SMCR8: variants seen among roughly 807,000 people sequenced by gnomAD.
SMCR8 encodes the protein guanine nucleotide exchange protein SMCR8.
A neutral mutation model predicts 56.6 loss-of-function variants in SMCR8; 30 were observed. That is an observed-to-expected ratio of 0.53 (90% confidence interval 0.40 to 0.72). The LOEUF is 0.72. Among genes scored for constraint, SMCR8 ranks in the 30% least tolerant of loss-of-function variants. SMCR8 has a pLI of 0.00. For synonymous variants in SMCR8, 538 were observed against 456.0 expected (o/e 1.18, Z -2.29); for missense variants, 1,198 against 1,157.0 (o/e 1.04, Z -0.51).
Position 18,315,723 on chromosome 17 carries a change from C to T in SMCR8, c.-67C>T. The T allele has an allele frequency of 6.9e-6, 10 of 1,449,694 alleles. No homozygotes were observed. The highest frequency in any genetic ancestry group is 9.3e-6 in the Non-Finnish European group (10 of 1,074,460). The allele number at this position is 1,449,694 out of a possible 1,614,324, so 89.8% of individuals were successfully genotyped here. A position where few individuals can be genotyped will look rare whatever the true frequency, so the allele number is the denominator to read the frequency against. On this transcript the variant is annotated 5_prime_UTR_variant, in exon 1 of 2. Coordinates refer to ENST00000406438, the MANE Select transcript of SMCR8 (RefSeq NM_144775.3). ...ACTTCCTTCTCCGGAGGCCTGCCTT[C>T]TGCGCGTCGATTAACACCGCATTCT...
At chr17:18,318,593 A>G (rs1477559320) in intron 1 of SMCR8, among the ~76,000 whole-genome samples, 3 of 152,168 alleles carry the variant, frequency 2.0e-5, no homozygotes, top group African/African-American at 7.2e-5. Flanking sequence ...TAGTAGAGAC[A>G]GGGTTTCACC....
rs1314774497 is a variant in SMCR8 at position 18,317,966 on chromosome 17, C to G, written c.2177C>G (p.Ser726Cys). The change falls in exon 1 of 2, where the codon TCC becomes TGC. Residue 726 changes from serine (S) to cysteine (C), a missense_variant. Physicochemically the swap from Ser to Cys is moderately radical, Grantham distance 112. Transcript: ENST00000406438. ...QYPFAHPAIY[S>C]LLSGRTLVVL... ...CCCTTTGCCCACCCAGCCATCTACTCCCTGCTCAGTGGGAGGACACTTGTG... is the reference window on the plus strand; with the variant it reads ...CCCTTTGCCCACCCAGCCATCTACTGCCTGCTCAGTGGGAGGACACTTGTG... 2 of 1,614,238 alleles carry G rather than the reference C, an allele frequency of 1.2e-6. No homozygotes were observed. Among genetic ancestry groups the G allele is most frequent in the Admixed American group, 3.3e-5 (2 of 60,034 alleles).
Position 18,323,047 on chromosome 17 carries a change from C to G in SMCR8, c.2791C>G (p.Pro931Ala). 1 of 1,613,462 alleles carries G rather than the reference C, an allele frequency of 6.2e-7. No individual in the cohort carries two copies. The highest frequency in any genetic ancestry group is 8.5e-7 in the Non-Finnish European group (1 of 1,179,584). ...SHPMLRFDYV[P>A]SFLYKI ...CCCCATGCTCAGGTTTGACTATGTC[C>G]CCAGCTTTTTGTATAAAATCTGAGG... Residue 931 changes from proline (P) to alanine (A), a missense_variant, in exon 2 of 2, where the codon CCC (proline) becomes GCC (alanine). Coordinates refer to ENST00000406438, the MANE Select transcript of SMCR8 (RefSeq NM_144775.3).
rs1982557148 is a variant in SMCR8, at chr17:18,323,230, G to T, written c.*160G>T. The T allele has an allele frequency of 9.3e-6, 6 of 646,704 alleles. No homozygotes were observed. The highest frequency in any genetic ancestry group is 8.8e-5 in the Admixed American group (3 of 34,082). The allele number at this position is 646,704 out of a possible 1,614,324, so 40.1% of individuals were successfully genotyped here. The stretch of plus-strand genomic sequence containing the variant: ...CTAGTAGTTTTTAAGTTGGACATGG[G>T]CAGAAGTGGAGCCTGGCTCCCTCTA... On this transcript the variant is annotated 3_prime_UTR_variant, in exon 2 of 2. Transcript: ENST00000406438.
In SMCR8 at chr17:18,317,027, TTAG is replaced by T; in HGVS notation, c.1240_1242del (p.Ser414del). The T allele has an allele frequency of 6.2e-7, 1 of 1,614,094 alleles. No homozygotes were observed. The highest frequency in any genetic ancestry group is 8.5e-7 in the Non-Finnish European group (1 of 1,180,008). On this transcript the variant is annotated inframe_deletion, in exon 1 of 2. Coordinates refer to ENST00000406438, the MANE Select transcript of SMCR8 (RefSeq NM_144775.3). ...GAATGCCCAATTCCTAAAGTGTTAA[TTAG>T]TGTTGGTTCTTACAAGTCCAGTGTG...
intron 1 of SMCR8, 31 bp from the exon 2 acceptor site, chr17:18,322,586 C>T (rs760521456): frequency 6.3e-7 from 1 of 1,599,016 alleles, no homozygotes; most frequent in South Asian, 1.1e-5. Flanking sequence ...GGCCCTTGCC[C>T]TTCCTCCTGA....
rs1355449484 is a variant in SMCR8, at chr17:18,326,968, G to A, written c.*3898G>A. 6.6e-6 allele frequency: 1 copy of A among 152,640 alleles called. No homozygotes were observed. The highest frequency in any genetic ancestry group is 2.4e-5 in the African/African-American group (1 of 41,464). The allele number at this position is 152,640 out of a possible 1,614,324, so 9.5% of individuals were successfully genotyped here. A position where few individuals can be genotyped will look rare whatever the true frequency, so the allele number is the denominator to read the frequency against. On this transcript the variant is annotated 3_prime_UTR_variant, in exon 2 of 2. Coordinates refer to ENST00000406438, the MANE Select transcript of SMCR8 (RefSeq NM_144775.3). ...CTTTACCTTCCCACCTCCCTGAAAA[G>A]CACAGAAGACAGTGCCTTGGTTTGT...
rs1461727529 is a variant in SMCR8, at chr17:18,316,236, C to T, written c.447C>T (p.Phe149=). The T allele has an allele frequency of 2.5e-6, 4 of 1,613,618 alleles. No homozygotes were observed. Among genetic ancestry groups the T allele is most frequent in the African/African-American group, 2.7e-5 (2 of 74,882 alleles). ...TATACGACCTGGAGGCCCGTGGCTT[C>T]GTGAGGCCGTTTTGCATGGCTTATA... ...LTLYDLEARG[F]VRPFCMAYIS... is the part of the protein sequence containing the mutation. The change falls in exon 1 of 2, where the codon TTC becomes TTT. Residue 149 remains phenylalanine (F), a synonymous_variant. Transcript: ENST00000406438.
chr17:18,325,217 T>C lies in SMCR8; in HGVS notation c.*2147T>C, dbSNP rs890792648. The stretch of plus-strand genomic sequence containing the variant: ...TCATACTGTTCTCACCTGGGAAACT[T>C]GGGAAGGGCTGATGAGTTTGGGGCA... On this transcript the variant is annotated 3_prime_UTR_variant, in exon 2 of 2. Coordinates refer to ENST00000406438, the MANE Select transcript of SMCR8 (RefSeq NM_144775.3). 6.6e-6 allele frequency: 1 copy of C among 152,242 alleles called. No homozygotes were observed. The highest frequency in any genetic ancestry group is 2.4e-5 in the African/African-American group (1 of 41,448). 9.4% of individuals were successfully genotyped at this position (152,242 alleles called of 1,614,324 possible).
intron 1 of SMCR8, among the ~76,000 whole-genome samples, chr17:18,319,026 G>A (rs1171229492): frequency 6.6e-6 from 1 of 152,186 alleles, no homozygotes; most frequent in Non-Finnish European, 1.5e-5. Flanking sequence ...GGTCCCCTGC[G>A]GGGCCAAACG....
In SMCR8 at chr17:18,317,856, C is replaced by T. The variant is rs536156720; in HGVS notation, c.2067C>T (p.Ile689=). Residue 689 remains isoleucine (I), a synonymous_variant, in exon 1 of 2, where the codon ATC becomes ATT. Transcript: ENST00000406438. The stretch of plus-strand genomic sequence containing the variant: ...TAGCGTCCACCAGCTCAGACAGGAT[C>T]CCCTCTGCTTATCCTGCTGGCCTGT... The part of the protein sequence containing the change: ...SSVASTSSDR[I]PSAYPAGLSS... 2.5e-6 allele frequency: 4 copies of T among 1,614,156 alleles called. No individual in the cohort carries two copies. Among genetic ancestry groups the T allele is most frequent in the East Asian group, 2.2e-5 (1 of 44,886 alleles).
chr17:18,323,152 G>A lies in SMCR8; in HGVS notation c.*82G>A. 3 of 1,228,512 alleles carry A rather than the reference G, an allele frequency of 2.4e-6. No individual in the cohort carries two copies. The highest frequency in any genetic ancestry group is 1.4e-5 in the South Asian group (1 of 70,422). 76.1% of individuals were successfully genotyped at this position (1,228,512 alleles called of 1,614,324 possible). A position where few individuals can be genotyped will look rare whatever the true frequency, so the allele number is the denominator to read the frequency against. On this transcript the variant is annotated 3_prime_UTR_variant, in exon 2 of 2. Transcript: ENST00000406438. ...GGTTGGCATGACCAAACAGTTGCCT[G>A]AGCTGGACTGTTTAAGTTTCTGGTG...
chr17:18,326,380 C>G lies in SMCR8; in HGVS notation c.*3310C>G, dbSNP rs1289117727. 1 of 152,230 alleles carries G rather than the reference C, an allele frequency of 6.6e-6. No homozygotes were observed. The highest frequency in any genetic ancestry group is 1.5e-5 in the Non-Finnish European group (1 of 68,044). The allele number at this position is 152,230 out of a possible 1,614,324, so 9.4% of individuals were successfully genotyped here. A position where few individuals can be genotyped will look rare whatever the true frequency, so the allele number is the denominator to read the frequency against. On this transcript the variant is annotated 3_prime_UTR_variant, in exon 2 of 2. Coordinates refer to ENST00000406438, the MANE Select transcript of SMCR8 (RefSeq NM_144775.3). ...GATCAGGCCACAGCTTTTTATATCG[C>G]ACAGGACACATCAGCCTGAGCTGCT...
Position 18,319,598 on chromosome 17 carries a change from T to C in SMCR8, c.2360+1449T>C, listed in dbSNP as rs1021723209. Among the ~76,000 whole-genome samples, 3 of 152,118 alleles carry C rather than the reference T, an allele frequency of 2.0e-5. No individual in the cohort carries two copies. The South Asian group carries it at 6.2e-4, about 32-fold the overall frequency. ...CTCCGAACACCAGTCTTGCTGGCCCTTGATTTTTTTCACTCTGCCTGGAAA... is the reference window on the plus strand; with the variant it reads ...CTCCGAACACCAGTCTTGCTGGCCCCTGATTTTTTTCACTCTGCCTGGAAA... On this transcript the variant is annotated intron_variant, in intron 1 of 1. Transcript: ENST00000406438.
At position 18,315,457 on chromosome 17, in the gene SMCR8, C is replaced by A; in HGVS notation, c.-333C>A. ...GCCTTGTTCAGAGCGGGGGCTTTTGCTGTCGCAGTGGGTTCCGGAGAGTGC... is the reference window on the plus strand; with the variant it reads ...GCCTTGTTCAGAGCGGGGGCTTTTGATGTCGCAGTGGGTTCCGGAGAGTGC... On this transcript the variant is annotated 5_prime_UTR_variant, in exon 1 of 2. In the 5' UTR this introduces an upstream ATG that the reference lacks. Transcript: ENST00000406438. The A allele has an allele frequency of 4.3e-6, 1 of 232,916 alleles. No homozygotes were observed. The highest frequency in any genetic ancestry group is 8.5e-6 in the Non-Finnish European group (1 of 117,888). 14.4% of individuals were successfully genotyped at this position (232,916 alleles called of 1,614,324 possible).
chr17:18,319,061 C>T (rs1291104678), intron 1 of SMCR8, among the ~76,000 whole-genome samples: 1 of 152,170 alleles, frequency 6.6e-6, no homozygotes, highest in Non-Finnish European at 1.5e-5. Flanking sequence ...TACAGCTCAC[C>T]CAAAGAATTC....
intron 1 of SMCR8, among the ~76,000 whole-genome samples, chr17:18,318,793 C>T (rs1338534463): frequency 1.3e-5 from 2 of 152,194 alleles, no homozygotes; most frequent in Non-Finnish European, 2.9e-5. Context: ...ATTTATCTGT[C>T]GCCATTGCCA....
intron 1 of SMCR8, among the ~76,000 whole-genome samples, chr17:18,320,719 C>T (rs1741444776): frequency 6.6e-6 from 1 of 152,212 alleles, no homozygotes; most frequent in Admixed American, 6.5e-5. Context: ...TTCCTCCATG[C>T]CTGTGGGATG....
At position 18,324,120 on chromosome 17, in the gene SMCR8, G is replaced by A. The variant is rs146041779; in HGVS notation, c.*1050G>A. 3 of 152,332 alleles carry A rather than the reference G, an allele frequency of 2.0e-5. No individual in the cohort carries two copies. The highest frequency in any genetic ancestry group is 4.4e-5 in the Non-Finnish European group (3 of 68,028). 9.4% of individuals were successfully genotyped at this position (152,332 alleles called of 1,614,324 possible). A position where few individuals can be genotyped will look rare whatever the true frequency, so the allele number is the denominator to read the frequency against. The stretch of plus-strand genomic sequence containing the variant: ...GGTCTCGTGGGCTTGGGACAGCAAC[G>A]GTTCTGTTTAGTCAGCTGGTGCAGG... On this transcript the variant is annotated 3_prime_UTR_variant, in exon 2 of 2. Transcript: ENST00000406438.
Sources: gnomAD v4.1 joint callset for allele counts (sites outside exome capture counted in the v4.1 genomes callset) on GRCh38, gnomAD v4.1.1 for gene constraint, MANE v1.5 for transcripts, NCBI Gene and HGNC (gene_info 2026-07-23, HGNC 2026-07-21) for gene names.